Variants in LRP8 observed in about 807,000 individuals in gnomAD.
LRP8 encodes the protein LDL receptor related protein 8, also known as low-density lipoprotein receptor-related protein 8.
Under a neutral mutation model 111.6 loss-of-function variants are expected in LRP8, and 46 were observed. The observed-to-expected ratio is 0.41, with a 90% CI of 0.33 to 0.53. The LOEUF is 0.53. Ranked by LOEUF, LRP8 falls within the 20% of genes least tolerant of loss-of-function variation. LRP8 has a pLI of 0.20. For missense variants in LRP8, 959 were observed against 1,297.4 expected (o/e 0.74, Z 4.01); for synonymous variants, 464 against 511.2 (o/e 0.91, Z 1.24).
chr1:53,261,420 A>G (rs1572459080), intron 12 of LRP8, among the ~76,000 whole-genome samples: 1 of 152,204 alleles, frequency 6.6e-6, no homozygotes, highest in East Asian at 1.9e-4. Context: ...AATCCTGCCA[A>G]TGCCCACCAC....
intron 18 of LRP8, among the ~76,000 whole-genome samples, chr1:53,247,846 C>A (rs144753942): frequency 1.6e-3 from 248 of 152,292 alleles, no homozygotes; most frequent in Non-Finnish European, 2.8e-3. Context: ...TGAGTGTTTT[C>A]TTCTCCAGGG....
chr1:53,271,116 C>G lies in LRP8; in HGVS notation c.1164G>C (p.Gln388His). 1.2e-6 allele frequency: 2 copies of G among 1,613,988 alleles called. No individual in the cohort carries two copies. The highest frequency in any genetic ancestry group is 1.7e-6 in the Non-Finnish European group (2 of 1,180,010). The change falls in exon 8 of 19, where the codon CAG (glutamine) becomes CAC (histidine). Residue 388 changes from glutamine (Q) to histidine (H), a missense_variant. Around this residue, in one of 3 missense-constraint regions of LRP8, gnomAD observed 819 missense variants for 1,097.6 expected, o/e 0.75. Transcript: ENST00000306052. ...DECKDPDACS[Q>H]ICVNYKGYFK... ...AATAGCCCTTGTAATTGACACAGAT[C>G]TGGCTGCAGGCATCTGGGTCCTTGC...
intron 2 of LRP8, among the ~76,000 whole-genome samples, chr1:53,313,357 G>A (rs995487066): frequency 2.0e-5 from 3 of 152,000 alleles, no homozygotes; most frequent in Non-Finnish European, 4.4e-5. Flanking sequence ...TGTGCGGCAA[G>A]AGGGGCTGGA....
chr1:53,321,464 C>T lies in LRP8; in HGVS notation c.244+5409G>A, dbSNP rs146483597. Among the ~76,000 whole-genome samples the T allele has an allele frequency of 3.1e-3, 477 of 152,320 alleles. 1 individual carries two copies. The highest frequency in any genetic ancestry group is 0.011 in the African/African-American group (465 of 41,572). On this transcript the variant is annotated intron_variant, in intron 2 of 18. Coordinates refer to ENST00000306052, the MANE Select transcript of LRP8 (RefSeq NM_004631.5). ...ACAGCATGGGCCTGGGAGTAGACCACTAACCTGGTGCTGGGAGAGCATGCA... is the reference window on the plus strand; with the variant it reads ...ACAGCATGGGCCTGGGAGTAGACCATTAACCTGGTGCTGGGAGAGCATGCA...
In LRP8 at chr1:53,279,553, G is replaced by C. The variant is rs1647037948; in HGVS notation, c.496+1034C>G. On this transcript the variant is annotated intron_variant, in intron 4 of 18. Coordinates refer to ENST00000306052, the MANE Select transcript of LRP8 (RefSeq NM_004631.5). The surrounding 1 kb of genome is among the most constrained non-coding windows in gnomAD (Gnocchi z 4.4). ...CAGCCAGGATCTCCCTCCATACCCA[G>C]ATGCTTCCTGCTTCAGACACATCAA... Among the ~76,000 whole-genome samples, 1 of 152,220 alleles carries C rather than the reference G, an allele frequency of 6.6e-6. No individual in the cohort carries two copies. The highest frequency in any genetic ancestry group is 6.5e-5 in the Admixed American group (1 of 15,282).
chr1:53,258,438 T>C lies in LRP8; in HGVS notation c.2090A>G (p.Asn697Ser), dbSNP rs1646191506. 6.2e-7 allele frequency: 1 copy of C among 1,614,012 alleles called. No individual in the cohort carries two copies. Among genetic ancestry groups the C allele is most frequent in the African/African-American group, 1.3e-5 (1 of 75,010 alleles). Residue 697 changes from asparagine to serine, a missense_variant, in exon 14 of 19, where the codon AAT (asparagine) becomes AGT (serine). Asn to Ser is a conservative substitution (Grantham distance 46, BLOSUM62 1). Around this residue, in one of 3 missense-constraint regions of LRP8, gnomAD observed 819 missense variants for 1,097.6 expected, o/e 0.75. Coordinates refer to ENST00000306052, the MANE Select transcript of LRP8 (RefSeq NM_004631.5). ...AAGGCACAGGTATTCACAGCCTCCA[T>C]TAGGCTGGACACTCAGCTCACAGGC... ...PDACELSVQPNGGCEYLCLPA... is the reference protein window; with the variant it reads ...PDACELSVQPSGGCEYLCLPA...
intron 9 of LRP8, among the ~76,000 whole-genome samples, chr1:53,265,668 G>A (rs1202393872): frequency 6.6e-6 from 1 of 152,202 alleles, no homozygotes; most frequent in East Asian, 1.9e-4. Flanking sequence ...CAGGGAGGCA[G>A]GAATCTAGTT....
At chr1:53,321,988 C>T (rs1161160396) in intron 2 of LRP8, among the ~76,000 whole-genome samples, 2 of 152,124 alleles carry the variant, frequency 1.3e-5, no homozygotes, top group African/African-American at 2.4e-5. Context: ...CTGGCTGAGG[C>T]GAGCACCAGC....
Position 53,249,657 on chromosome 1 carries a change from A to G in LRP8, c.2677-101T>C, listed in dbSNP as rs899170794. The G allele has an allele frequency of 7.0e-7, 1 of 1,437,616 alleles. No homozygotes were observed. Among genetic ancestry groups the G allele is most frequent in the Middle Eastern group, 2.6e-4 (1 of 3,912 alleles). 89.1% of individuals were successfully genotyped at this position (1,437,616 alleles called of 1,614,324 possible). A position where few individuals can be genotyped will look rare whatever the true frequency, so the allele number is the denominator to read the frequency against. Reference sequence around the variant, plus strand: ...CCTGCTGTGCCACTTTGTGGTCCTCATTCCCCCAAAAAGCCATGCTGTGTT... The same window carrying G: ...CCTGCTGTGCCACTTTGTGGTCCTCGTTCCCCCAAAAAGCCATGCTGTGTT... On this transcript the variant is annotated intron_variant, in intron 17 of 18. Transcript: ENST00000306052. The surrounding 1 kb of genome is among the most constrained non-coding windows in gnomAD (Gnocchi z 4.1).
intron 2 of LRP8, among the ~76,000 whole-genome samples, chr1:53,325,958 C>G (rs1655068517): frequency 6.6e-6 from 1 of 152,230 alleles, no homozygotes; most frequent in South Asian, 2.1e-4. Context: ...TAACTAGCTC[C>G]CGGTCCCGCA....
chr1:53,295,916 A>C (rs1649625652), intron 2 of LRP8, among the ~76,000 whole-genome samples: 1 of 152,206 alleles, frequency 6.6e-6, no homozygotes, highest in South Asian at 2.1e-4. Context: ...AGGTGCAGAG[A>C]AGGGAGGGAC....
chr1:53,304,223 T>C (rs905771845), intron 2 of LRP8, among the ~76,000 whole-genome samples: 28 of 152,336 alleles, frequency 1.8e-4, no homozygotes, highest in African/African-American at 6.0e-4. Context: ...GAGAGTGTGA[T>C]TGTGGCCCAG....
chr1:53,284,647 T>C (rs954628856), intron 3 of LRP8, among the ~76,000 whole-genome samples: 1 of 152,254 alleles, frequency 6.6e-6, no homozygotes, highest in Admixed American at 6.5e-5. Flanking sequence ...GTTAATTGCA[T>C]AACCTTTCAG....
chr1:53,260,683 C>T (rs1646299752), intron 12 of LRP8, 78 bp from the exon 13 acceptor site: 3 of 1,471,592 alleles, frequency 2.0e-6, no homozygotes, highest in Admixed American at 1.8e-5. Context: ...GGCCCCAAAC[C>T]ATAGTCACAA....
At chr1:53,251,688 A>G (rs1234422142) in intron 16 of LRP8, among the ~76,000 whole-genome samples, 1 of 151,632 alleles carries the variant, frequency 6.6e-6, no homozygotes, top group Non-Finnish European at 1.5e-5. Flanking sequence ...ATCATTGCTA[A>G]TATTTATTGT....
intron 18 of LRP8, among the ~76,000 whole-genome samples, chr1:53,247,871 T>G (rs1645776701): frequency 6.6e-6 from 1 of 152,202 alleles, no homozygotes. Flanking sequence ...CATCTAACTT[T>G]CCCCAGCTAG....
In LRP8 at chr1:53,266,099, A is replaced by C. The variant is rs1490573720; in HGVS notation, c.1427+374T>G. Among the ~76,000 whole-genome samples the C allele has an allele frequency of 1.3e-5, 2 of 152,130 alleles. No individual in the cohort carries two copies. The highest frequency in any genetic ancestry group is 2.9e-5 in the Non-Finnish European group (2 of 68,010). On this transcript the variant is annotated intron_variant, in intron 9 of 18. Transcript: ENST00000306052. The surrounding 1 kb of genome is among the most constrained non-coding windows in gnomAD (Gnocchi z 5.0). Reference sequence around the variant, plus strand: ...TGTGAGTGGGATCCTCTGGGCAGGGACCAGGTCTAAGTCCCCAGGTTCCAA... The same window carrying C: ...TGTGAGTGGGATCCTCTGGGCAGGGCCCAGGTCTAAGTCCCCAGGTTCCAA...
At chr1:53,272,984 G>A (rs1315118511) in intron 6 of LRP8, among the ~76,000 whole-genome samples, 2 of 152,224 alleles carry the variant, frequency 1.3e-5, no homozygotes, top group African/African-American at 4.8e-5. Context: ...AAAGGGGGAA[G>A]GGGAAAGGAG....
intron 2 of LRP8, among the ~76,000 whole-genome samples, chr1:53,325,427 C>T (rs1655011919): frequency 6.6e-6 from 1 of 152,212 alleles, no homozygotes; most frequent in Admixed American, 6.5e-5. Context: ...TAATGGTCAG[C>T]ACACATTAGT....
Sources: gnomAD v4.1 joint callset for allele counts (sites outside exome capture counted in the v4.1 genomes callset) on GRCh38, gnomAD v4.1.1 for gene constraint, gnomAD v4.1.1 regional missense constraint, Gnocchi (gnomAD v3.1) non-coding constraint, MANE v1.5 for transcripts, NCBI Gene and HGNC (gene_info 2026-07-23, HGNC 2026-07-21) for gene names.